Variants in RFX6 observed in about 807,000 individuals in gnomAD.
The protein encoded by RFX6 is regulatory factor X6.
Under a neutral mutation model 110.8 loss-of-function variants are expected in RFX6, and 50 were observed. That is an observed-to-expected ratio of 0.45 (90% CI 0.36 to 0.57). RFX6 has a LOEUF of 0.57. RFX6 is among the 20% of genes least tolerant of loss of function. RFX6 has a pLI of 0.00. For synonymous variants in RFX6, 383 were observed against 411.2 expected (o/e 0.93, Z 0.83); for missense variants, 990 against 1,127.0 (o/e 0.88, Z 1.74).
At chr6:116,903,478 A>T (rs339302) in intron 6 of RFX6, among the ~76,000 whole-genome samples, 44,030 of 151,798 alleles carry the variant, frequency 0.29, 6,562 homozygotes, top group South Asian at 0.38. Context: ...GAATTTTTAA[A>T]ATAATCATAA....
chr6:116,924,660 A>T lies in RFX6; in HGVS notation c.1556-9A>T, dbSNP rs537422274. On this transcript the variant is annotated splice_polypyrimidine_tract_variant and intron_variant, in intron 14 of 18. Coordinates refer to ENST00000332958, the MANE Select transcript of RFX6 (RefSeq NM_173560.4). The stretch of plus-strand genomic sequence containing the variant: ...ACTGTCCTCTCCTCATTCTCCATCC[A>T]TAAACAAGGTTCTTTTCATTTGATT... The T allele has an allele frequency of 3.4e-4, 541 of 1,609,192 alleles. 7 individuals carry two copies. The South Asian group carries it at 5.7e-3, about 17-fold the overall frequency.
chr6:116,882,662 A>G (rs773195506), intron 4 of RFX6, among the ~76,000 whole-genome samples: 17 of 152,156 alleles, frequency 1.1e-4, no homozygotes, highest in South Asian at 2.1e-4. Context: ...AATAATTTAA[A>G]TGAGTCATTT....
Position 116,927,271 on chromosome 6 carries a change from G to A in RFX6, c.2130G>A (p.Gln710=). The A allele has an allele frequency of 6.2e-7, 1 of 1,614,170 alleles. No homozygotes were observed. Among genetic ancestry groups the A allele is most frequent in the South Asian group, 1.1e-5 (1 of 91,086 alleles). The change falls in exon 17 of 19, where the codon CAG becomes CAA. Residue 710 remains glutamine (Q), a synonymous_variant. Coordinates refer to ENST00000332958, the MANE Select transcript of RFX6 (RefSeq NM_173560.4). ...SSNYQTVFRA[Q]PHSTSGLYPH... Reference sequence around the variant, plus strand: ...ACTACCAGACTGTGTTTAGGGCACAGCCCCACTCCACATCAGGACTCTATC... The same window carrying A: ...ACTACCAGACTGTGTTTAGGGCACAACCCCACTCCACATCAGGACTCTATC...
At chr6:116,878,951 A>T (rs2114658881) in intron 2 of RFX6, among the ~76,000 whole-genome samples, 1 of 152,070 alleles carries the variant, frequency 6.6e-6, no homozygotes, top group Admixed American at 6.5e-5. Context: ...GAGTTTAACT[A>T]TTGAAGTTGA....
chr6:116,910,815 T>G, intron 6 of RFX6, 120 bp from the exon 7 acceptor site: 1 of 775,876 alleles, frequency 1.3e-6, no homozygotes, highest in South Asian at 1.4e-5. Flanking sequence ...ATCTCGTAAA[T>G]TCTCATGGTT....
At position 116,931,311 on chromosome 6, in the gene RFX6, G is replaced by A. The variant is rs978915659; in HGVS notation, c.2612-20G>A. ...AAATGTCAATCAATTTTCAATTGCT[G>A]ATTATATTTTCCCTTACAGCTTCCA... On this transcript the variant is annotated intron_variant, in intron 18 of 18. Transcript: ENST00000332958. 1 of 1,580,090 alleles carries A rather than the reference G, an allele frequency of 6.3e-7. No individual in the cohort carries two copies. Among genetic ancestry groups the A allele is most frequent in the South Asian group, 1.1e-5 (1 of 90,290 alleles).
Position 116,877,910 on chromosome 6 carries a change from T to G in RFX6, c.338T>G (p.Ile113Ser), listed in dbSNP as rs754177725. Reference protein sequence around the residue: ...YLSQKKTITQIVKDKKKQTQL... With the variant: ...YLSQKKTITQSVKDKKKQTQL... ...TCTCAGAAGAAAACCATCACGCAGA[T>G]TGTGAAGGATAAAAAGAAGCAGACA... Residue 113 changes from isoleucine (I) to serine (S), a missense_variant, in exon 2 of 19, where the codon ATT becomes AGT. Coordinates refer to ENST00000332958, the MANE Select transcript of RFX6 (RefSeq NM_173560.4). 1.8e-5 allele frequency: 29 copies of G among 1,613,932 alleles called. 1 individual carries two copies. The highest frequency in any genetic ancestry group is 2.5e-5 in the Non-Finnish European group (29 of 1,179,998).
At chr6:116,887,041 G>A (rs575902608) in intron 4 of RFX6, among the ~76,000 whole-genome samples, 9 of 151,996 alleles carry the variant, frequency 5.9e-5, no homozygotes, top group East Asian at 1.9e-4. Context: ...CCAGCCTGGC[G>A]ACCGAGCGAG....
At chr6:116,909,064 A>G (rs1775275187) in intron 6 of RFX6, among the ~76,000 whole-genome samples, 2 of 152,110 alleles carry the variant, frequency 1.3e-5, no homozygotes, top group Non-Finnish European at 2.9e-5. Flanking sequence ...ATGCTTGATA[A>G]AAGGTCACCT....
Position 116,877,401 on chromosome 6 carries a change from A to T in RFX6, c.126A>T (p.Glu42Asp), listed in dbSNP as rs140510882. 6.2e-6 allele frequency: 10 copies of T among 1,607,354 alleles called. No individual in the cohort carries two copies. In the African/African-American group the frequency reaches 1.1e-4, roughly 17 times the overall value. ...GCAAGGGCTTGCTAGTCTATCCGGA[A>T]GAAACAGTGTACCTGGCGGCCGAAG... ...LLGKGLLVYP[E>D]ETVYLAAEGQ... The change falls in exon 1 of 19, where the codon GAA becomes GAT. Residue 42 changes from glutamate to aspartate, a missense_variant. This residue lies in a region of RFX6 where 175 missense variants were observed against 162.3 expected (regional missense o/e 1.08). Coordinates refer to ENST00000332958, the MANE Select transcript of RFX6 (RefSeq NM_173560.4).
chr6:116,894,057 T>C lies in RFX6; in HGVS notation c.637T>C (p.Leu213=). The stretch of plus-strand genomic sequence containing the variant: ...CCACTCCGTTTATTCTGGAAAGGGC[T>C]TGACAAGGTAGAGTTACACCATCTT... ...YYHSVYSGKG[L]TRFSGSKLKN... Residue 213 remains leucine (L), a synonymous_variant, in exon 5 of 19, where the codon TTG becomes CTG. Coordinates refer to ENST00000332958, the MANE Select transcript of RFX6 (RefSeq NM_173560.4). 2 of 1,568,858 alleles carry C rather than the reference T, an allele frequency of 1.3e-6. No homozygotes were observed. The highest frequency in any genetic ancestry group is 1.8e-6 in the Non-Finnish European group (2 of 1,138,854).
intron 6 of RFX6, among the ~76,000 whole-genome samples, chr6:116,908,337 CT>C (rs1290529864): frequency 2.0e-5 from 3 of 152,076 alleles, no homozygotes; most frequent in Non-Finnish European, 4.4e-5. Flanking sequence ...TTAAATTGAT[CT>C]TGTATTCAGC....
At chr6:116,878,473 T>C (rs1774516150) in intron 2 of RFX6, among the ~76,000 whole-genome samples, 1 of 152,126 alleles carries the variant, frequency 6.6e-6, no homozygotes. Flanking sequence ...AAATAGAAGT[T>C]CAACTATTTT....
At chr6:116,894,139 T>G (rs1774891193) in intron 5 of RFX6, 75 bp downstream of exon 5, 2 of 863,626 alleles carry the variant, frequency 2.3e-6, no homozygotes, top group Non-Finnish European at 4.0e-6. Context: ...AATAAAATGA[T>G]TTCTTAATTT....
At chr6:116,896,371 T>C (rs1774943842) in intron 6 of RFX6, among the ~76,000 whole-genome samples, 1 of 152,238 alleles carries the variant, frequency 6.6e-6, no homozygotes, top group Non-Finnish European at 1.5e-5. Context: ...AACCATTTTC[T>C]GTGGATACCT....
intron 11 of RFX6, among the ~76,000 whole-genome samples, chr6:116,919,929 G>A (rs1775555232): frequency 6.6e-6 from 1 of 152,166 alleles, no homozygotes; most frequent in Admixed American, 6.5e-5. Flanking sequence ...ATTTCAGATA[G>A]GAAATGTAAC....
rs1187725802 is a variant in RFX6, at chr6:116,920,448, A to C, written c.1321A>C (p.Thr441Pro). 1 of 1,613,202 alleles carries C rather than the reference A, an allele frequency of 6.2e-7. No homozygotes were observed. The highest frequency in any genetic ancestry group is 8.5e-7 in the Non-Finnish European group (1 of 1,179,182). The change falls in exon 12 of 19, where the codon ACT becomes CCT. Residue 441 changes from threonine (T) to proline (P), a missense_variant. Transcript: ENST00000332958. ...CACAGACACTGAATCTGGTATCTAC[A>C]CTGAACGTAAGTCCATTCTCTTTGT... ...GSTDTESGIY[T>P]EHDSITVFQE... is the part of the protein sequence containing the mutation.
chr6:116,883,031 A>G (rs1169121716), intron 4 of RFX6, among the ~76,000 whole-genome samples: 4 of 152,048 alleles, frequency 2.6e-5, no homozygotes, highest in Non-Finnish European at 1.5e-5. Flanking sequence ...GCTATTTTCT[A>G]TGCGTACTGT....
chr6:116,895,614 G>T (rs1349704241), intron 6 of RFX6, among the ~76,000 whole-genome samples: 2 of 151,152 alleles, frequency 1.3e-5, no homozygotes, highest in African/African-American at 4.9e-5. Flanking sequence ...CAAATGCTAT[G>T]CTACACTATG....
Sources: gnomAD v4.1 joint callset for allele counts (sites outside exome capture counted in the v4.1 genomes callset) on GRCh38, gnomAD v4.1.1 for gene constraint, gnomAD v4.1.1 regional missense constraint, MANE v1.5 for transcripts, NCBI Gene and HGNC (gene_info 2026-07-23, HGNC 2026-07-21) for gene names.